Variants in TUSC3 observed in about 807,000 individuals in gnomAD.
The protein encoded by TUSC3 is tumor suppressor candidate 3.
In TUSC3, 45 loss-of-function variants were observed where a neutral mutation model predicts 44.8. That is an observed-to-expected ratio of 1.00 (90% CI 0.79 to 1.29). The LOEUF is 1.29. Among genes scored for constraint, TUSC3 ranks in the 50% most tolerant of loss-of-function variants. The pLI is 0.00. For synonymous variants in TUSC3, 212 were observed against 152.9 expected, an observed-to-expected ratio of 1.39 and a Z score of -2.85; for missense variants, 519 against 437.9, an observed-to-expected ratio of 1.19 and a Z score of -1.65.
chr8:15,482,378 T>C lies in TUSC3; in HGVS notation n.92-1008T>C, dbSNP rs529525823. 1.1e-4 allele frequency among the ~76,000 whole-genome samples: 16 copies of C among 152,256 alleles called. 1 individual carries two copies. Among genetic ancestry groups the C allele is most frequent in the Non-Finnish European group, 1.5e-4 (10 of 68,014 alleles). On this transcript the variant is annotated intron_variant and non_coding_transcript_variant, in intron 1 of 5. Coordinates refer to the TUSC3 transcript ENST00000503191. ...TTCTCGTGGCAGAGAATGGTGAGTC[T>C]CTCCTAGAAGGTTTTCAATATACTT...
rs557492609 is a variant in TUSC3, at chr8:15,629,769, T to C, written c.308+6520T>C. Among the ~76,000 whole-genome samples, 6 of 152,028 alleles carry C rather than the reference T, an allele frequency of 3.9e-5. No individual in the cohort carries two copies. The East Asian group carries it at 1.2e-3, about 29-fold the overall frequency. On this transcript the variant is annotated intron_variant, in intron 2 of 10. Coordinates refer to ENST00000503731, the MANE Select transcript of TUSC3 (RefSeq NM_006765.4). ...AAAAAAGCGAAATTTTCTTCTAGAG[T>C]TAACTTGCATTTAGATTCTTCAGTT...
chr8:15,626,941 G>A (rs1585168029), intron 2 of TUSC3, among the ~76,000 whole-genome samples: 1 of 150,578 alleles, frequency 6.6e-6, no homozygotes, highest in Non-Finnish European at 1.5e-5. Flanking sequence ...GAAGGGTCCT[G>A]ATGAAACCCC....
the TUSC3 span, among the ~76,000 whole-genome samples, chr8:15,804,154 A>C: frequency 1.3e-5 from 2 of 152,162 alleles, no homozygotes; most frequent in Admixed American, 6.5e-5. Flanking sequence ...GAACTAATTT[A>C]TACTCCCACC....
chr8:15,590,358 A>G (rs1803775519), intron 1 of TUSC3, among the ~76,000 whole-genome samples: 1 of 152,168 alleles, frequency 6.6e-6, no homozygotes, highest in African/African-American at 2.4e-5. Flanking sequence ...GCTTCTTCTT[A>G]TACAAAACCC....
chr8:15,661,394 C>T (rs1001503888), intron 4 of TUSC3, among the ~76,000 whole-genome samples: 3 of 151,998 alleles, frequency 2.0e-5, no homozygotes, highest in Non-Finnish European at 4.4e-5. Context: ...AACATTGACA[C>T]TTTGAAGAAT....
At chr8:15,682,504 A>G (rs1267757079) in intron 6 of TUSC3, among the ~76,000 whole-genome samples, 2 of 151,786 alleles carry the variant, frequency 1.3e-5, no homozygotes, top group African/African-American at 2.4e-5. Context: ...TTGGTTTTTC[A>G]TTTGAGTGTT....
chr8:15,447,402 A>G (rs1800120952), intron 1 of TUSC3, among the ~76,000 whole-genome samples: 1 of 152,204 alleles, frequency 6.6e-6, no homozygotes, highest in South Asian at 2.1e-4. Context: ...AAGATGTGAC[A>G]TTAATGGAGA....
chr8:15,801,847 AATC>A, the TUSC3 span, among the ~76,000 whole-genome samples: 1 of 152,190 alleles, frequency 6.6e-6, no homozygotes, highest in African/African-American at 2.4e-5. Context: ...CAAGAAATTG[AATC>A]AACAAGGATC....
At chr8:15,645,399 C>G (rs969183339) in intron 2 of TUSC3, among the ~76,000 whole-genome samples, 3 of 152,042 alleles carry the variant, frequency 2.0e-5, no homozygotes, top group African/African-American at 4.8e-5. Flanking sequence ...AAGTGCAGTC[C>G]TTCCAGACAT....
chr8:15,724,416 T>C (rs559341689), intron 6 of TUSC3, among the ~76,000 whole-genome samples: 1 of 152,314 alleles, frequency 6.6e-6, no homozygotes, highest in Non-Finnish European at 1.5e-5. Context: ...GCTCTTCTAC[T>C]GGAAAATCTT....
At chr8:15,831,063 T>G in the TUSC3 span, among the ~76,000 whole-genome samples, 28 of 152,268 alleles carry the variant, frequency 1.8e-4, no homozygotes, top group South Asian at 5.6e-3. Context: ...AAACCAGCAG[T>G]CCAGGATTAC....
chr8:15,491,746 C>T (rs543881262), intron 2 of TUSC3, among the ~76,000 whole-genome samples: 66 of 152,206 alleles, frequency 4.3e-4, no homozygotes, highest in Non-Finnish European at 7.5e-4. Context: ...TACCGGCCAA[C>T]GCAGAGACAT....
chr8:15,816,226 G>C, the TUSC3 span, among the ~76,000 whole-genome samples: 1 of 152,148 alleles, frequency 6.6e-6, no homozygotes, highest in Non-Finnish European at 1.5e-5. Context: ...TATCTCAAGA[G>C]ATTTAGATAA....
intron 1 of TUSC3, among the ~76,000 whole-genome samples, chr8:15,446,562 C>T (rs1159782136): frequency 6.6e-6 from 1 of 151,928 alleles, no homozygotes; most frequent in South Asian, 2.1e-4. Flanking sequence ...CCCGTCTCCA[C>T]CAAAAAATAC....
chr8:15,540,544 C>A lies in TUSC3; in HGVS notation c.114C>A (p.Leu38=), dbSNP rs556225103. The change falls in exon 1 of 11, where the codon CTC becomes CTA. Residue 38 remains leucine (L), a synonymous_variant. Coordinates refer to ENST00000503731, the MANE Select transcript of TUSC3 (RefSeq NM_006765.4). The part of the protein sequence containing the change: ...LLLLLLLCIQ[L]GGGQKKKENL... ...TGCTGCTGCTGCTCTGCATCCAGCTCGGGGGAGGACAGAAGAAAAAGGAGG... is the reference window on the plus strand; with the variant it reads ...TGCTGCTGCTGCTCTGCATCCAGCTAGGGGGAGGACAGAAGAAAAAGGAGG... 6.9e-6 allele frequency: 11 copies of A among 1,597,014 alleles called. No individual in the cohort carries two copies. In the South Asian group the frequency reaches 1.1e-4, roughly 16 times the overall value.
chr8:15,773,528 T>C, the TUSC3 span, among the ~76,000 whole-genome samples: 1 of 152,188 alleles, frequency 6.6e-6, no homozygotes, highest in Non-Finnish European at 1.5e-5. Context: ...CTTCTCAAAA[T>C]GATCTACAAA....
At chr8:15,838,414 G>T in the TUSC3 span, among the ~76,000 whole-genome samples, 11 of 152,218 alleles carry the variant, frequency 7.2e-5, no homozygotes, top group East Asian at 1.5e-3. Context: ...TCAGTTTCCA[G>T]ATTCAACTAT....
intron 1 of TUSC3, among the ~76,000 whole-genome samples, chr8:15,478,921 C>A (rs1028800603): frequency 1.3e-5 from 2 of 152,160 alleles, no homozygotes; most frequent in South Asian, 4.1e-4. Flanking sequence ...ATTCCTATTT[C>A]TCCACAGCCT....
upstream of TUSC3, among the ~76,000 whole-genome samples, chr8:15,538,678 A>C: frequency 6.6e-6 from 1 of 152,156 alleles, no homozygotes; most frequent in Non-Finnish European, 1.5e-5. Flanking sequence ...TTAACCTCAC[A>C]ACAGTTTCGT....
Sources: allele counts gnomAD v4.1 joint callset (sites outside exome capture counted in the v4.1 genomes callset), GRCh38; gene constraint gnomAD v4.1.1; transcripts MANE v1.5; gene names NCBI Gene and HGNC (gene_info 2026-07-23, HGNC 2026-07-21).